SCLT1: variants seen among roughly 807,000 people sequenced by gnomAD.
The protein encoded by SCLT1 is sodium channel-associated protein 1.
In SCLT1, 78 loss-of-function variants were observed where a neutral mutation model predicts 112.8. The observed-to-expected ratio is 0.69, with a 90% CI of 0.58 to 0.83. The LOEUF (loss-of-function observed/expected upper bound fraction) is 0.83, where lower values mean the gene tolerates loss of function less well. Among genes scored for constraint, SCLT1 ranks in the 40% least tolerant of loss-of-function variants. SCLT1 has a pLI of 0.00. For missense variants in SCLT1, 747 were observed against 770.4 expected (o/e 0.97, Z 0.36); for synonymous variants, 257 against 254.7 (o/e 1.01, Z -0.09).
chr4:128,952,145 A>T (rs1738807370), intron 14 of SCLT1, among the ~76,000 whole-genome samples: 1 of 152,208 alleles, frequency 6.6e-6, no homozygotes, highest in Admixed American at 6.5e-5. Flanking sequence ...CATGATAGTT[A>T]TTACAAGATA....
chr4:128,908,380 T>TAAAAAAAAAAA (rs11432450), intron 18 of SCLT1, among the ~76,000 whole-genome samples: 5 of 137,718 alleles, frequency 3.6e-5, no homozygotes, highest in Non-Finnish European at 4.6e-5. Context: ...TCCTGTTAAT[T>TAAAAAAAAAAA]AAAAAAAAAA....
At chr4:129,003,029 C>T (rs1278540817) in intron 6 of SCLT1, among the ~76,000 whole-genome samples, 2 of 152,060 alleles carry the variant, frequency 1.3e-5, no homozygotes, top group Non-Finnish European at 2.9e-5. Flanking sequence ...GACTTGGAAC[C>T]AACCCAAATG....
At chr4:129,062,695 G>A (rs1750098713) in intron 2 of SCLT1, among the ~76,000 whole-genome samples, 1 of 151,894 alleles carries the variant, frequency 6.6e-6, no homozygotes, top group Non-Finnish European at 1.5e-5. Context: ...TTTTCTATCA[G>A]TACTTTCAAT....
intron 17 of SCLT1, 54 bp from the exon 18 acceptor site, chr4:128,936,905 C>G: frequency 2.6e-6 from 2 of 777,878 alleles, no homozygotes; most frequent in Non-Finnish European, 2.0e-6. Context: ...AGGTGCTATA[C>G]AGATCAATGA....
chr4:129,066,679 T>C (rs527389410), intron 2 of SCLT1, among the ~76,000 whole-genome samples: 18 of 152,190 alleles, frequency 1.2e-4, no homozygotes, highest in African/African-American at 4.1e-4. Context: ...AGTAATACAA[T>C]GGAATGTAGC....
At chr4:128,970,328 G>T in intron 10 of SCLT1, 50 bp downstream of exon 10, 2 of 1,004,746 alleles carry the variant, frequency 2.0e-6, no homozygotes, top group Non-Finnish European at 3.1e-6. Flanking sequence ...CAACAAAATA[G>T]AAAGAAAACT....
chr4:129,075,288 C>T (rs1286030692), intron 2 of SCLT1, among the ~76,000 whole-genome samples: 1 of 152,096 alleles, frequency 6.6e-6, no homozygotes, highest in Non-Finnish European at 1.5e-5. Context: ...GGAAGATGTT[C>T]CTGTACATTT....
intron 5 of SCLT1, among the ~76,000 whole-genome samples, chr4:129,017,460 C>T (rs73847377): frequency 0.014 from 2,136 of 152,022 alleles, 50 homozygotes; most frequent in African/African-American, 0.046. Context: ...TGAATTTTAT[C>T]TGATTTTCCA....
chr4:128,903,179 T>C (rs1173959759), intron 18 of SCLT1, among the ~76,000 whole-genome samples: 2 of 152,218 alleles, frequency 1.3e-5, no homozygotes, highest in Non-Finnish European at 2.9e-5. Flanking sequence ...AAGTATTATG[T>C]ACTATACATA....
chr4:128,897,111 C>T lies in SCLT1; in HGVS notation c.1830-5974G>A, dbSNP rs1248165534. 5.3e-5 allele frequency among the ~76,000 whole-genome samples: 8 copies of T among 152,266 alleles called. No individual in the cohort carries two copies. The South Asian group carries it at 6.2e-4, about 12-fold the overall frequency. On this transcript the variant is annotated intron_variant, in intron 18 of 20. Coordinates refer to ENST00000281142, the MANE Select transcript of SCLT1 (RefSeq NM_144643.4). ...TGGAAAACACTCTGCAGGATATTATCCAGGAGAACTTCCCCAATCTAGCAA... is the reference window on the plus strand; with the variant it reads ...TGGAAAACACTCTGCAGGATATTATTCAGGAGAACTTCCCCAATCTAGCAA...
chr4:128,898,159 C>T (rs1054525546), intron 18 of SCLT1, among the ~76,000 whole-genome samples: 3 of 151,664 alleles, frequency 2.0e-5, no homozygotes, highest in Non-Finnish European at 4.4e-5. Flanking sequence ...AACTCAGCTC[C>T]ATACCAAGCA....
chr4:129,068,766 CTTTAG>C (rs778135876), intron 2 of SCLT1, among the ~76,000 whole-genome samples: 51 of 152,236 alleles, frequency 3.4e-4, no homozygotes, highest in Non-Finnish European at 5.6e-4. Flanking sequence ...TACAAAAGCC[CTTTAG>C]TTTAATTAGA....
intron 16 of SCLT1, among the ~76,000 whole-genome samples, chr4:128,944,048 T>C (rs1414248256): frequency 1.3e-5 from 2 of 152,170 alleles, no homozygotes; most frequent in South Asian, 2.1e-4. Context: ...TATTTTGGCA[T>C]GCTGACCTGC....
chr4:129,053,837 T>C (rs1749088674), intron 2 of SCLT1, among the ~76,000 whole-genome samples: 1 of 152,084 alleles, frequency 6.6e-6, no homozygotes, highest in African/African-American at 2.4e-5. Context: ...TGATGCAGTT[T>C]CTTCATAGTG....
At chr4:128,908,413 C>T (rs918171633) in intron 18 of SCLT1, among the ~76,000 whole-genome samples, 4 of 148,806 alleles carry the variant, frequency 2.7e-5, no homozygotes, top group African/African-American at 9.9e-5. Context: ...AAAACAGTTA[C>T]AGCAGCCAAA....
chr4:128,885,876 T>C (rs1732857204), intron 20 of SCLT1, among the ~76,000 whole-genome samples: 1 of 152,236 alleles, frequency 6.6e-6, no homozygotes, highest in Non-Finnish European at 1.5e-5. Context: ...TAGGTGAGGA[T>C]GAACATCTTT....
intron 13 of SCLT1, among the ~76,000 whole-genome samples, chr4:128,953,193 A>G (rs961720703): frequency 2.6e-5 from 4 of 152,244 alleles, no homozygotes; most frequent in Non-Finnish European, 5.9e-5. Context: ...TCTCTTAAAA[A>G]GTAATTTCTT....
chr4:128,997,742 G>A, intron 8 of SCLT1, 132 bp downstream of exon 8: 1 of 473,070 alleles, frequency 2.1e-6, no homozygotes. Context: ...TATTGAATGA[G>A]AAAGCAAAAG....
intron 5 of SCLT1, among the ~76,000 whole-genome samples, chr4:129,033,502 T>TAAAGAAAAAAAA (rs1746922249): frequency 2.3e-5 from 1 of 44,300 alleles, no homozygotes; most frequent in Non-Finnish European, 4.2e-5. Context: ...GAACTTAAAG[T>TAAAGAAAAAAAA]AAAAAAAAAA....
Sources: gnomAD v4.1 joint callset for allele counts (sites outside exome capture counted in the v4.1 genomes callset) on GRCh38, gnomAD v4.1.1 for gene constraint, MANE v1.5 for transcripts, NCBI Gene and HGNC (gene_info 2026-07-23, HGNC 2026-07-21) for gene names.